SHOC1: variants seen among roughly 807,000 people sequenced by gnomAD.
The protein encoded by SHOC1 is shortage in chiasmata 1.
In SHOC1, 136 loss-of-function variants were observed where a neutral mutation model predicts 179.2. The observed-to-expected ratio is 0.76, with a 90% CI of 0.66 to 0.87. The LOEUF (loss-of-function observed/expected upper bound fraction) is 0.87. Ranked by LOEUF, SHOC1 falls within the 40% of genes least tolerant of loss-of-function variation. The pLI is 0.00. For missense variants in SHOC1, 1,538 were observed against 1,700.8 expected (o/e 0.90, Z 1.68); for synonymous variants, 489 against 586.6 (o/e 0.83, Z 2.41).
Position 111,730,072 on chromosome 9 carries a change from G to C in SHOC1, c.1418-2023C>G, listed in dbSNP as rs560516467. Among the ~76,000 whole-genome samples the C allele has an allele frequency of 2.0e-5, 3 of 152,216 alleles. No homozygotes were observed. In the South Asian group the frequency reaches 6.2e-4, roughly 32 times the overall value. ...ATCCATAAGAAACAACTCCTCATTT[G>C]TTCAAGTTTTGGCATGAGATTGCAG... On this transcript the variant is annotated intron_variant, in intron 12 of 27. Transcript: ENST00000682961.
At chr9:111,779,509 A>G (rs540473077) in intron 4 of SHOC1, among the ~76,000 whole-genome samples, 3 of 152,352 alleles carry the variant, frequency 2.0e-5, no homozygotes, top group African/African-American at 7.2e-5. Context: ...GCCTGGAGAC[A>G]TGCTGTTTCC....
At chr9:111,781,587 G>A (rs1836045765) in intron 3 of SHOC1, among the ~76,000 whole-genome samples, 1 of 151,876 alleles carries the variant, frequency 6.6e-6, no homozygotes, top group African/African-American at 2.4e-5. Flanking sequence ...GCCGGGCATG[G>A]TAGTGCATGC....
intron 1 of SHOC1, among the ~76,000 whole-genome samples, chr9:111,793,048 A>T (rs1346016715): frequency 6.6e-6 from 1 of 151,978 alleles, no homozygotes; most frequent in Non-Finnish European, 1.5e-5. Context: ...ACGCCCGGCT[A>T]ATTTTTTGTA....
intron 16 of SHOC1, among the ~76,000 whole-genome samples, chr9:111,714,961 T>G (rs950006481): frequency 2.0e-5 from 3 of 152,230 alleles, no homozygotes; most frequent in Non-Finnish European, 2.9e-5. Context: ...GAACTGCTAC[T>G]TAAGTGGAAT....
At chr9:111,726,967 C>T (rs1261718628) in intron 13 of SHOC1, among the ~76,000 whole-genome samples, 1 of 152,046 alleles carries the variant, frequency 6.6e-6, no homozygotes, top group Non-Finnish European at 1.5e-5. Context: ...TCCAATATCC[C>T]TAGTCATTAG....
intron 24 of SHOC1, among the ~76,000 whole-genome samples, chr9:111,699,525 A>G (rs1436086055): frequency 6.6e-6 from 1 of 152,194 alleles, no homozygotes; most frequent in Admixed American, 6.5e-5. Context: ...CTGAACTTGG[A>G]CAAATGTCTA....
Position 111,764,434 on chromosome 9 carries a change from C to T in SHOC1, c.443-5586G>A, listed in dbSNP as rs1299815502. Among the ~76,000 whole-genome samples the T allele has an allele frequency of 3.9e-5, 6 of 152,028 alleles. No homozygotes were observed. In the South Asian group the frequency reaches 8.3e-4, roughly 21 times the overall value. ...ATCCACTGGTATTTTGCAATGTATC[C>T]ACTGTGGATAAGGGGGGACTATTGT... On this transcript the variant is annotated intron_variant, in intron 5 of 27. Coordinates refer to ENST00000682961, the MANE Select transcript of SHOC1 (RefSeq NM_001378211.1).
chr9:111,754,331 A>G (rs1037738071), intron 8 of SHOC1, among the ~76,000 whole-genome samples: 2 of 152,240 alleles, frequency 1.3e-5, no homozygotes, highest in East Asian at 3.8e-4. Flanking sequence ...TCCAAAGAAG[A>G]TATACAAATA....
At chr9:111,737,311 T>C (rs1298343513) in intron 12 of SHOC1, among the ~76,000 whole-genome samples, 1 of 152,234 alleles carries the variant, frequency 6.6e-6, no homozygotes, top group Non-Finnish European at 1.5e-5. Context: ...TCTCCCAACA[T>C]AGACAGTAAT....
intron 3 of SHOC1, among the ~76,000 whole-genome samples, chr9:111,784,130 G>T (rs140170070): frequency 1.1e-3 from 161 of 152,282 alleles, no homozygotes; most frequent in Middle Eastern, 3.4e-3. Flanking sequence ...AGGAGGCCAA[G>T]GCCACCCAGA....
At chr9:111,789,183 A>G (rs1385122713) in intron 2 of SHOC1, among the ~76,000 whole-genome samples, 3 of 152,166 alleles carry the variant, frequency 2.0e-5, no homozygotes, top group African/African-American at 7.2e-5. Flanking sequence ...TAACATATTA[A>G]ATAAGAAGTC....
intron 27 of SHOC1, among the ~76,000 whole-genome samples, chr9:111,690,244 C>A (rs937457003): frequency 5.3e-5 from 8 of 151,994 alleles, no homozygotes; most frequent in African/African-American, 1.7e-4. Context: ...GACAACATAA[C>A]AAAACCCTGT....
intron 19 of SHOC1, 102 bp from the exon 20 acceptor site, chr9:111,706,848 A>T: frequency 1.4e-6 from 1 of 709,564 alleles, no homozygotes. Flanking sequence ...TCCTTCTCTA[A>T]TCTATGCCTC....
rs370219875 is a variant in SHOC1, at chr9:111,748,306, A to T, written c.863-107T>A. 6.5e-5 allele frequency: 48 copies of T among 737,790 alleles called. No individual in the cohort carries two copies. In the African/African-American group the frequency reaches 8.3e-4, roughly 13 times the overall value. The allele number at this position is 737,790 out of a possible 1,614,324, so 45.7% of individuals were successfully genotyped here. A position where few individuals can be genotyped will look rare whatever the true frequency, so the allele number is the denominator to read the frequency against. On this transcript the variant is annotated intron_variant, in intron 8 of 27. Coordinates refer to ENST00000682961, the MANE Select transcript of SHOC1 (RefSeq NM_001378211.1). ...TAAAGTATCTTTATTGTTTTATTGC[A>T]TGTCAATTTTTCCTTTTAGAGAGAA...
At chr9:111,721,091 G>T (rs1249287683) in intron 15 of SHOC1, among the ~76,000 whole-genome samples, 2 of 152,162 alleles carry the variant, frequency 1.3e-5, no homozygotes, top group East Asian at 3.9e-4. Context: ...TTGGGGTATT[G>T]CTTTGTGATT....
chr9:111,734,058 C>T (rs993062463), intron 12 of SHOC1, among the ~76,000 whole-genome samples: 5 of 151,958 alleles, frequency 3.3e-5, no homozygotes, highest in South Asian at 2.1e-4. Flanking sequence ...CTACCCTGAC[C>T]GCTTGGCATG....
chr9:111,758,607 C>A, intron 6 of SHOC1, 88 bp downstream of exon 6: 1 of 1,245,404 alleles, frequency 8.0e-7, no homozygotes, highest in Non-Finnish European at 1.1e-6. Flanking sequence ...CAAAAAAAAA[C>A]ATTGTTGATA....
chr9:111,705,188 CACACACACAT>C, intron 21 of SHOC1, 49 bp downstream of exon 21: 6 of 698,922 alleles, frequency 8.6e-6, no homozygotes, highest in Non-Finnish European at 9.4e-6. Flanking sequence ...CACACACACA[CACACACACAT>C]ATATATATAA....
intron 5 of SHOC1, chr9:111,759,482 C>T (rs1167629823): frequency 1.4e-5 from 18 of 1,248,014 alleles, no homozygotes; most frequent in Admixed American, 7.6e-5. Context: ...TTTCTCCTCT[C>T]GGTCTCCACC....
Sources: allele counts gnomAD v4.1 joint callset (sites outside exome capture counted in the v4.1 genomes callset), GRCh38; gene constraint gnomAD v4.1.1; transcripts MANE v1.5; gene names NCBI Gene and HGNC (gene_info 2026-07-23, HGNC 2026-07-21).